The following FRMPD3 variants were observed in gnomAD, a reference collection of about 807,000 sequenced individuals.
The protein encoded by FRMPD3 is FERM and PDZ domain-containing protein 3.
A neutral mutation model predicts 97.9 loss-of-function variants in FRMPD3; 42 were observed. The observed-to-expected ratio is 0.43, with a 90% CI of 0.34 to 0.55. FRMPD3 has a LOEUF of 0.55. FRMPD3 is among the 20% of genes least tolerant of loss of function. The pLI is 0.03. For synonymous variants in FRMPD3, 577 were observed against 581.1 expected (o/e 0.99, Z 0.10); for missense variants, 1,303 against 1,457.7 (o/e 0.89, Z 1.73).
intron 4 of FRMPD3, among the ~76,000 whole-genome samples, chrX:107,542,249 C>G (rs1296602544): frequency 8.9e-6 from 1 of 112,586 alleles, no homozygotes; most frequent in Non-Finnish European, 1.9e-5. Context: ...TTTATCAACT[C>G]CATGTATAAT....
chrX:107,527,472 C>A (rs1367658573), intron 2 of FRMPD3, among the ~76,000 whole-genome samples: 2 of 112,341 alleles, frequency 1.8e-5, no homozygotes, highest in Non-Finnish European at 3.7e-5. Context: ...CCAGGGTTTG[C>A]ACCTGGGCCT....
chrX:107,553,150 G>A (rs1368131244), intron 7 of FRMPD3, among the ~76,000 whole-genome samples: 2 of 110,226 alleles, frequency 1.8e-5, no homozygotes, highest in Non-Finnish European at 3.8e-5. Context: ...AGGGGGAAGA[G>A]TATGGGGTGA....
intron 1 of FRMPD3, among the ~76,000 whole-genome samples, chrX:107,455,139 C>T (rs1309654034): frequency 8.9e-6 from 1 of 111,858 alleles, no homozygotes; most frequent in Non-Finnish European, 1.9e-5. Context: ...ATGCTTCTCT[C>T]CTATTCCATA....
Position 107,602,702 on chromosome X carries a change from C to G in FRMPD3, c.4663C>G (p.Pro1555Ala). The change falls in exon 15 of 15, where the codon CCT becomes GCT. Residue 1555 changes from proline (P) to alanine (A), a missense_variant. Transcript: ENST00000683843. The part of the protein sequence containing the change: ...LDAATCSSSS[P>A]EASRTQEIDL... Reference sequence around the variant, plus strand: ...TGCTGCTACCTGCAGCAGCAGCAGCCCTGAGGCCTCCCGCACTCAGGAGAT... The same window carrying G: ...TGCTGCTACCTGCAGCAGCAGCAGCGCTGAGGCCTCCCGCACTCAGGAGAT... The G allele has an allele frequency of 8.3e-7, 1 of 1,208,275 alleles. No homozygotes were observed. The highest frequency in any genetic ancestry group is 1.1e-6 in the Non-Finnish European group (1 of 894,892).
rs769854207 is a variant in FRMPD3, at chrX:107,460,292, T to C, written c.-8+10287T>C. Among the ~76,000 whole-genome samples, 224 of 111,979 alleles carry C rather than the reference T, an allele frequency of 2.0e-3. 1 individual carries two copies. The highest frequency in any genetic ancestry group is 6.7e-3 in the African/African-American group (208 of 30,835). On this transcript the variant is annotated intron_variant, in intron 1 of 14. Coordinates refer to ENST00000683843, the MANE Select transcript of FRMPD3 (RefSeq NM_001388459.1). ...TACTCACTGTTTGTCTCCTAAGTTT[T>C]GTCATTGGTTTATACATTTCTTCCT... is the stretch of plus-strand genomic sequence containing the variant.
chrX:107,598,066 G>C lies in FRMPD3; in HGVS notation c.2187G>C (p.Leu729=), dbSNP rs1334621994. The change falls in exon 14 of 15, where the codon CTG becomes CTC. Residue 729 remains leucine, a synonymous_variant. Coordinates refer to ENST00000683843, the MANE Select transcript of FRMPD3 (RefSeq NM_001388459.1). ...ATGCCCAGGAGCTAGATGATGCCCTGGTGTCCACTCTGCAGGCTCTAGAAG... is the reference window on the plus strand; with the variant it reads ...ATGCCCAGGAGCTAGATGATGCCCTCGTGTCCACTCTGCAGGCTCTAGAAG... ...RDHAQELDDA[L]VSTLQALEAL... is the part of the protein sequence containing the mutation. 2.5e-6 allele frequency: 3 copies of C among 1,210,884 alleles called. No individual in the cohort carries two copies. The highest frequency in any genetic ancestry group is 1.7e-5 in the African/African-American group (1 of 57,817).
rs1921121903 is a variant in FRMPD3 at position 107,473,675 on chromosome X, C to T, written c.-8+23670C>T. Among the ~76,000 whole-genome samples the T allele has an allele frequency of 3.6e-5, 4 of 112,373 alleles. No individual in the cohort carries two copies. The Admixed American group carries it at 3.7e-4, about 11-fold the overall frequency. ...GTAATATGACACTCTTTTACCCTCACCCCCAACATACACACACTTTTCTCC... is the reference window on the plus strand; with the variant it reads ...GTAATATGACACTCTTTTACCCTCATCCCCAACATACACACACTTTTCTCC... On this transcript the variant is annotated intron_variant, in intron 1 of 14. Transcript: ENST00000683843.
In FRMPD3 at chrX:107,604,312, G is replaced by A. The variant is rs1486280677; in HGVS notation, c.*939G>A. ...GGGGGGAGGGGGGAAAGGGGTAGGG[G>A]TGGGGGGTGTTGATGACTATATCTT... On this transcript the variant is annotated 3_prime_UTR_variant, in exon 15 of 15. Coordinates refer to ENST00000683843, the MANE Select transcript of FRMPD3 (RefSeq NM_001388459.1). 2 of 85,208 alleles carry A rather than the reference G, an allele frequency of 2.3e-5. No individual in the cohort carries two copies. The highest frequency in any genetic ancestry group is 8.7e-5 in the African/African-American group (2 of 22,927). 7.0% of individuals were successfully genotyped at this position (85,208 alleles called of 1,213,427 possible).
chrX:107,540,717 C>T (rs1260736548), intron 4 of FRMPD3, among the ~76,000 whole-genome samples: 1 of 111,882 alleles, frequency 8.9e-6, no homozygotes, highest in Non-Finnish European at 1.9e-5. Flanking sequence ...AAAATAGGGT[C>T]AGTGAAGAGC....
rs199566331 is a variant in FRMPD3 at position 107,545,727 on chromosome X, CT to C, written c.298-5del. On this transcript the variant is annotated splice_polypyrimidine_tract_variant and intron_variant, in intron 4 of 14. Transcript: ENST00000683843. ...ATGGAGAACTCACCATCTCTCTGTT[CT>C]TTTTCCAGTCCCCCAAATCTGCTTT... 255 of 1,196,698 alleles carry C rather than the reference CT, an allele frequency of 2.1e-4. 1 individual carries two copies. The East Asian group carries it at 7.5e-3, about 35-fold the overall frequency.
intron 4 of FRMPD3, among the ~76,000 whole-genome samples, chrX:107,535,664 C>T (rs761446996): frequency 1.8e-3 from 173 of 94,566 alleles, no homozygotes; most frequent in African/African-American, 7.0e-3. Context: ...CAGAGCGAGA[C>T]TCCATCTCAA....
chrX:107,458,667 C>T (rs1931416913), intron 1 of FRMPD3, among the ~76,000 whole-genome samples: 1 of 111,592 alleles, frequency 9.0e-6, no homozygotes, highest in African/African-American at 3.3e-5. Flanking sequence ...ATGGGACTCC[C>T]AGATTTGAAG....
At position 107,597,865 on chromosome X, in the gene FRMPD3, G is replaced by T. The variant is rs774356317; in HGVS notation, c.1986G>T (p.Leu662=). The part of the protein sequence containing the change: ...EEEEEDETTS[L]LPAIAAPPPG... ...AGGAGGAAGATGAGACAACTTCTCT[G>T]TTGCCAGCCATTGCTGCCCCACCCC... The change falls in exon 14 of 15, where the codon CTG becomes CTT. Residue 662 remains leucine (L), a synonymous_variant. Coordinates refer to ENST00000683843, the MANE Select transcript of FRMPD3 (RefSeq NM_001388459.1). The T allele has an allele frequency of 2.5e-6, 3 of 1,202,891 alleles. No homozygotes were observed. The highest frequency in any genetic ancestry group is 2.3e-5 in the Admixed American group (1 of 44,444).
intron 1 of FRMPD3, among the ~76,000 whole-genome samples, chrX:107,525,959 C>G (rs761424964): frequency 2.7e-5 from 3 of 110,579 alleles, no homozygotes; most frequent in African/African-American, 9.9e-5. Flanking sequence ...GCCTGTAGTC[C>G]CAGCTACTCG....
intron 4 of FRMPD3, among the ~76,000 whole-genome samples, chrX:107,537,813 C>T (rs1921067216): frequency 1.8e-5 from 2 of 111,755 alleles, no homozygotes; most frequent in Non-Finnish European, 3.8e-5. Flanking sequence ...TGCAAATTTG[C>T]CTACTCCCAA....
In FRMPD3 at chrX:107,601,680, T is replaced by C. The variant is rs763140375; in HGVS notation, c.3641T>C (p.Phe1214Ser). ...AAACCCAAGTCATCCCGAGGTCCTT[T>C]CCGGCTACGCAATTTATTCTCTGCC... is the stretch of plus-strand genomic sequence containing the variant. The part of the protein sequence containing the change: ...PAKPKSSRGP[F>S]RLRNLFSATF... Residue 1214 changes from phenylalanine (F) to serine (S), a missense_variant, in exon 15 of 15, where the codon TTC becomes TCC. By Grantham distance (155) the Phe-to-Ser change is radical (BLOSUM62 -2). Coordinates refer to ENST00000683843, the MANE Select transcript of FRMPD3 (RefSeq NM_001388459.1). 4.1e-6 allele frequency: 5 copies of C among 1,209,648 alleles called. No individual in the cohort carries two copies. The East Asian group carries it at 1.5e-4, about 36-fold the overall frequency.
intron 12 of FRMPD3, 39 bp from the exon 13 acceptor site, chrX:107,576,276 C>A: frequency 8.4e-7 from 1 of 1,195,287 alleles, no homozygotes; most frequent in East Asian, 3.0e-5. Flanking sequence ...TGCCTCCCTC[C>A]TTCCCATGTC....
chrX:107,567,354 C>T (rs1922649034), intron 12 of FRMPD3, among the ~76,000 whole-genome samples: 1 of 111,741 alleles, frequency 8.9e-6, no homozygotes, highest in Admixed American at 9.5e-5. Context: ...ACAGTAAGTA[C>T]TCAATGAATG....
chrX:107,601,194 A>G lies in FRMPD3; in HGVS notation c.3155A>G (p.Asp1052Gly). The G allele has an allele frequency of 1.7e-6, 2 of 1,208,234 alleles. No homozygotes were observed. The highest frequency in any genetic ancestry group is 2.2e-6 in the Non-Finnish European group (2 of 893,853). The change falls in exon 15 of 15, where the codon GAC (aspartate) becomes GGC (glycine). Residue 1052 changes from aspartate (D) to glycine (G), a missense_variant. Coordinates refer to ENST00000683843, the MANE Select transcript of FRMPD3 (RefSeq NM_001388459.1). Reference sequence around the variant, plus strand: ...AGCCTGCACCTCTCCCAACAAGAGGACAGTCTGCCTGTTCAAAATTTCCCT... The same window carrying G: ...AGCCTGCACCTCTCCCAACAAGAGGGCAGTCTGCCTGTTCAAAATTTCCCT... ...ADSLHLSQQE[D>G]SLPVQNFPPK...
Sources: allele counts gnomAD v4.1 joint callset (sites outside exome capture counted in the v4.1 genomes callset), GRCh38; gene constraint gnomAD v4.1.1; transcripts MANE v1.5; gene names NCBI Gene and HGNC (gene_info 2026-07-23, HGNC 2026-07-21).